DNAH5: variants seen among roughly 807,000 people sequenced by gnomAD.
DNAH5 encodes dynein axonemal heavy chain 5.
In DNAH5, 372 loss-of-function variants were observed where a neutral mutation model predicts 518.2. That is an observed-to-expected ratio of 0.72 (90% CI 0.66 to 0.78). The LOEUF is 0.78. DNAH5 is among the 30% of genes least tolerant of loss of function. The probability of loss-of-function intolerance (pLI) is 0.00; values close to 1 mark genes in which losing one functional copy is unlikely to be tolerated. For missense variants in DNAH5, 5,523 were observed against 5,687.0 expected (o/e 0.97, Z 0.93); for synonymous variants, 2,039 against 2,025.9 (o/e 1.01, Z -0.17).
At chr5:13,699,443 G>T (rs981706390) in intron 78 of DNAH5, among the ~76,000 whole-genome samples, 3 of 152,200 alleles carry the variant, frequency 2.0e-5, no homozygotes, top group Non-Finnish European at 4.4e-5. Context: ...GCCGGGCATG[G>T]TGGCTCACGC....
chr5:13,770,887 A>G lies in DNAH5; in HGVS notation c.9467T>C (p.Val3156Ala), dbSNP rs1394025829. The change falls in exon 56 of 79, where the codon GTG (valine) becomes GCG (alanine). Residue 3156 changes from valine to alanine, a missense_variant. By Grantham distance (64) the Val-to-Ala change is moderately conservative. This residue lies in a region of DNAH5 where 5,121 missense variants were observed against 5,223.3 expected (regional missense o/e 0.98). Coordinates refer to ENST00000265104, the MANE Select transcript of DNAH5 (RefSeq NM_001369.3). The stretch of plus-strand genomic sequence containing the variant: ...AAAATAATCAACACACTTCTCAGCC[A>G]CCCCATCCTGGAAGGAGCCCATGCA... ...VQCMGSFQDG[V>A]AEKCVDYFQR... The G allele has an allele frequency of 6.2e-7, 1 of 1,613,852 alleles. No homozygotes were observed. The highest frequency in any genetic ancestry group is 2.2e-5 in the East Asian group (1 of 44,876).
At chr5:13,773,873 T>G (rs1580163802) in intron 55 of DNAH5, among the ~76,000 whole-genome samples, 2 of 148,010 alleles carry the variant, frequency 1.4e-5, no homozygotes, top group African/African-American at 2.5e-5. Context: ...GAGGAGTGGG[T>G]GGGGAGAAAT....
At position 13,810,100 on chromosome 5, in the gene DNAH5, C is replaced by T. The variant is rs1428867419; in HGVS notation, c.7568G>A (p.Gly2523Glu). The T allele has an allele frequency of 7.1e-6, 11 of 1,552,178 alleles. No homozygotes were observed. Among genetic ancestry groups the T allele is most frequent in the East Asian group, 2.4e-5 (1 of 41,218 alleles). ...GTAGTCGAAGGCGGTGTCCCCGGGCCCCGCTGGCGGCGGCAGCTCCAGCGT... is the reference window on the plus strand; with the variant it reads ...GTAGTCGAAGGCGGTGTCCCCGGGCTCCGCTGGCGGCGGCAGCTCCAGCGT... ...TGTLELPPPA[G>E]PGDTAFDYYV... Residue 2523 changes from glycine (G) to glutamate (E), a missense_variant, in exon 45 of 79, where the codon GGG (glycine) becomes GAG (glutamate). By Grantham distance (98) the Gly-to-Glu change is moderately conservative (BLOSUM62 -2). This residue lies in a region of DNAH5 where 5,121 missense variants were observed against 5,223.3 expected (regional missense o/e 0.98). Transcript: ENST00000265104.
intron 51 of DNAH5, among the ~76,000 whole-genome samples, chr5:13,787,110 C>T (rs147638437): frequency 7.1e-4 from 108 of 151,666 alleles, no homozygotes; most frequent in South Asian, 6.9e-3. Flanking sequence ...GTCCCAGCTA[C>T]TCGGGAGGCT....
chr5:13,879,795 G>A (rs891039154), intron 21 of DNAH5, among the ~76,000 whole-genome samples: 1 of 151,780 alleles, frequency 6.6e-6, no homozygotes, highest in Non-Finnish European at 1.5e-5. Flanking sequence ...AAAGAATGAA[G>A]ATATCTTAAC....
chr5:13,736,049 G>A, intron 66 of DNAH5, 117 bp from the exon 67 acceptor site: 1 of 772,960 alleles, frequency 1.3e-6, no homozygotes, highest in Non-Finnish European at 2.3e-6. Context: ...GGCAGTGGCT[G>A]CCTACCAGAT....
chr5:14,009,995 C>G (rs562907815), intron 1 of DNAH5, among the ~76,000 whole-genome samples: 2 of 152,298 alleles, frequency 1.3e-5, no homozygotes, highest in South Asian at 4.2e-4. Context: ...TTAAAATCCT[C>G]TTTAATTCCA....
intron 8 of DNAH5, 97 bp downstream of exon 8, chr5:13,917,046 A>G (rs978594335): frequency 2.1e-6 from 2 of 952,698 alleles, no homozygotes; most frequent in Non-Finnish European, 3.3e-6. Flanking sequence ...GACCTTTCCA[A>G]TGAACTGTAA....
At chr5:13,894,521 A>G in intron 16 of DNAH5, 129 bp downstream of exon 16, 2 of 1,011,888 alleles carry the variant, frequency 2.0e-6, no homozygotes, top group South Asian at 3.0e-5. Flanking sequence ...ACACTTCCTT[A>G]TGAAACAGCT....
At chr5:14,005,920 C>T (rs1446180759) in intron 1 of DNAH5, among the ~76,000 whole-genome samples, 1 of 152,174 alleles carries the variant, frequency 6.6e-6, no homozygotes, top group African/African-American at 2.4e-5. Flanking sequence ...AAGGCAAAAC[C>T]ACCAGGGACA....
intron 30 of DNAH5, among the ~76,000 whole-genome samples, chr5:13,855,004 T>C (rs1016850706): frequency 2.6e-5 from 4 of 152,292 alleles, no homozygotes; most frequent in African/African-American, 9.6e-5. Context: ...ATGTACTGCA[T>C]TTTATAGCAT....
At chr5:13,738,018 A>G (rs1037756303) in intron 65 of DNAH5, among the ~76,000 whole-genome samples, 2 of 151,894 alleles carry the variant, frequency 1.3e-5, no homozygotes, top group African/African-American at 4.8e-5. Flanking sequence ...AGCTGAGATC[A>G]TGCAACTGCA....
At chr5:13,713,168 CATAT>C (rs70962102) in intron 75 of DNAH5, among the ~76,000 whole-genome samples, 5 of 136,496 alleles carry the variant, frequency 3.7e-5, no homozygotes, top group African/African-American at 5.5e-5. Context: ...TATATACCGA[CATAT>C]ATATATATAT....
At position 13,697,518 on chromosome 5, in the gene DNAH5, T is replaced by C. The variant is rs535230278; in HGVS notation, c.13723+3122A>G. ...AAATCACAGCCTCTCTAGCTTGTTG[T>C]CCTCAAAGCAGAATCATTTCTCTAG... is the stretch of plus-strand genomic sequence containing the variant. On this transcript the variant is annotated intron_variant, in intron 78 of 78. Coordinates refer to ENST00000265104, the MANE Select transcript of DNAH5 (RefSeq NM_001369.3). 5.9e-5 allele frequency among the ~76,000 whole-genome samples: 9 copies of C among 152,314 alleles called. 1 individual carries two copies. The South Asian group carries it at 1.9e-3, about 32-fold the overall frequency.
Position 13,885,032 on chromosome 5 carries a change from G to A in DNAH5, c.2940C>T (p.Ala980=). 1.9e-6 allele frequency: 3 copies of A among 1,614,174 alleles called. No individual in the cohort carries two copies. Among genetic ancestry groups the A allele is most frequent in the Non-Finnish European group, 2.5e-6 (3 of 1,180,016 alleles). The change falls in exon 19 of 79, where the codon GCC becomes GCT. Residue 980 remains alanine, a synonymous_variant. Transcript: ENST00000265104. ...GAGAGGAATGAATACGTTTGCGAAT[G>A]GCCTCTAGTGTATTCCTTGTAACTT... ...LLKVTRNTLE[A]IRKRIHSSHT...
At chr5:13,817,370 A>G (rs1407091802) in intron 42 of DNAH5, among the ~76,000 whole-genome samples, 178 bp downstream of exon 42, 2 of 152,216 alleles carry the variant, frequency 1.3e-5, no homozygotes, top group Non-Finnish European at 2.9e-5. Context: ...AGCATTTTAA[A>G]TACTGTAATC....
In DNAH5 at chr5:13,700,879, G is replaced by T; in HGVS notation, c.13492-8C>A. On this transcript the variant is annotated splice_polypyrimidine_tract_variant and splice_region_variant and intron_variant, in intron 77 of 78. Transcript: ENST00000265104. ...GTTGGCCCGAGTTATTTCCTATTCAGGGCAGCAAAAGATGAATGGAGCGGT... is the reference window on the plus strand; with the variant it reads ...GTTGGCCCGAGTTATTTCCTATTCATGGCAGCAAAAGATGAATGGAGCGGT... 1 of 1,613,868 alleles carries T rather than the reference G, an allele frequency of 6.2e-7. No individual in the cohort carries two copies. The highest frequency in any genetic ancestry group is 8.5e-7 in the Non-Finnish European group (1 of 1,179,814).
Position 13,843,590 on chromosome 5 carries a change from C to G in DNAH5, c.5271+1247G>C, listed in dbSNP as rs1192407708. 2.0e-5 allele frequency among the ~76,000 whole-genome samples: 3 copies of G among 152,156 alleles called. No homozygotes were observed. In the East Asian group the frequency reaches 5.8e-4, roughly 29 times the overall value. ...TCCAGAACTTTGAGAGAATACATTT[C>G]TGTTGTTTTAAGCCACAGCAGCCCT... On this transcript the variant is annotated intron_variant, in intron 32 of 78. Coordinates refer to ENST00000265104, the MANE Select transcript of DNAH5 (RefSeq NM_001369.3).
rs764847245 is a variant in DNAH5, at chr5:13,919,157, A to G, written c.975+19T>C. On this transcript the variant is annotated intron_variant, in intron 7 of 78. Transcript: ENST00000265104. ...ACTCTTATTCCCATTTCACAAGGCA[A>G]AATGAAATGGCTGACGACCTTCAGC... 6.2e-6 allele frequency: 10 copies of G among 1,613,912 alleles called. No homozygotes were observed. The Admixed American group carries it at 1.7e-4, about 27-fold the overall frequency.
Sources: gnomAD v4.1 joint callset for allele counts (sites outside exome capture counted in the v4.1 genomes callset) on GRCh38, gnomAD v4.1.1 for gene constraint, gnomAD v4.1.1 regional missense constraint, MANE v1.5 for transcripts, NCBI Gene and HGNC (gene_info 2026-07-23, HGNC 2026-07-21) for gene names.